TPD52: variants seen among roughly 807,000 people sequenced by gnomAD.
The protein encoded by TPD52 is tumor protein D52, also known as prostate and colon associated protein.
Under a neutral mutation model 31.3 loss-of-function variants are expected in TPD52, and 17 were observed. The observed-to-expected ratio is 0.54, with a 90% confidence interval of 0.37 to 0.82. The LOEUF is 0.82. Ranked by LOEUF, TPD52 falls within the 40% of genes least tolerant of loss-of-function variation. The probability of loss-of-function intolerance (pLI) is 0.00; values close to 1 mark genes in which losing one functional copy is unlikely to be tolerated. For missense variants in TPD52, 212 were observed against 240.1 expected (o/e 0.88, Z 0.77); for synonymous variants, 83 against 89.6 (o/e 0.93, Z 0.42).
intron 1 of TPD52, among the ~76,000 whole-genome samples, chr8:80,095,461 T>C (rs77499982): frequency 2.2e-3 from 337 of 152,282 alleles, no homozygotes; most frequent in African/African-American, 7.7e-3. Flanking sequence ...ATATTATGCA[T>C]CTGTCAAAAT....
chr8:80,161,043 G>A (rs1811328538), intron 1 of TPD52, among the ~76,000 whole-genome samples: 1 of 151,848 alleles, frequency 6.6e-6, no homozygotes, highest in African/African-American at 2.4e-5. Flanking sequence ...CTCCAGCCTG[G>A]GCAACAGAGC....
At chr8:80,171,238 A>G in intron 1 of TPD52, 187 bp downstream of exon 1, 1 of 756,560 alleles carries the variant, frequency 1.3e-6, no homozygotes, top group Non-Finnish European at 2.3e-6. Context: ...TGCCCCCGCC[A>G]GAGCCGCTCC....
At chr8:80,049,575 T>C (rs1378302635) in intron 5 of TPD52, among the ~76,000 whole-genome samples, 1 of 152,134 alleles carries the variant, frequency 6.6e-6, no homozygotes, top group East Asian at 1.9e-4. Flanking sequence ...CCATGAGTGA[T>C]TGCTTAAGAA....
rs1420011076 is a variant in TPD52 at position 80,037,553 on chromosome 8, G to A, written c.*563C>T. The A allele has an allele frequency of 6.6e-6, 1 of 152,194 alleles. No individual in the cohort carries two copies. Among genetic ancestry groups the A allele is most frequent in the African/African-American group, 2.4e-5 (1 of 41,426 alleles). The allele number at this position is 152,194 out of a possible 1,614,324, so 9.4% of individuals were successfully genotyped here. A position where few individuals can be genotyped will look rare whatever the true frequency, so the allele number is the denominator to read the frequency against. On this transcript the variant is annotated 3_prime_UTR_variant, in exon 8 of 8. Coordinates refer to ENST00000518937, the MANE Select transcript of TPD52 (RefSeq NM_001025253.3). ...ATTGGATGCACAGCTGTTTACTTCA[G>A]TCTGGTGTCTTCAACCAAAATATGT...
chr8:80,127,445 T>C (rs1808695596), intron 1 of TPD52: 1 of 152,212 alleles, frequency 6.6e-6, no homozygotes, highest in Non-Finnish European at 1.5e-5. Flanking sequence ...TGACAGGATG[T>C]TCATATCTTC....
At chr8:80,092,837 C>T (rs1816387547) in intron 1 of TPD52, among the ~76,000 whole-genome samples, 1 of 149,980 alleles carries the variant, frequency 6.7e-6, no homozygotes, top group Non-Finnish European at 1.5e-5. Context: ...CTTTAAATTA[C>T]TGCCAGAGGC....
At chr8:80,099,361 A>G (rs1045198411) in intron 1 of TPD52, among the ~76,000 whole-genome samples, 1 of 152,212 alleles carries the variant, frequency 6.6e-6, no homozygotes, top group African/African-American at 2.4e-5. Context: ...GGCATTTATG[A>G]AAAAACAAAC....
At chr8:80,075,559 A>G (rs1254643204) in intron 1 of TPD52, among the ~76,000 whole-genome samples, 1 of 152,210 alleles carries the variant, frequency 6.6e-6, no homozygotes, top group Non-Finnish European at 1.5e-5. Context: ...GTATTTCTAA[A>G]TGGACCCTTA....
chr8:80,054,448 C>T (rs929788383), intron 2 of TPD52, among the ~76,000 whole-genome samples: 27 of 151,932 alleles, frequency 1.8e-4, no homozygotes, highest in African/African-American at 6.3e-4. Flanking sequence ...GAGAAATAGA[C>T]ACCATGTGGA....
At chr8:80,170,125 A>G (rs1481581895) in intron 1 of TPD52, among the ~76,000 whole-genome samples, 2 of 152,192 alleles carry the variant, frequency 1.3e-5, no homozygotes, top group Non-Finnish European at 2.9e-5. Context: ...AAATGAAAGT[A>G]AAGTACAGGC....
In TPD52 at chr8:80,038,119, C is replaced by A. The variant is rs1810034947; in HGVS notation, c.621G>T (p.Leu207=). 6.2e-7 allele frequency: 1 copy of A among 1,613,840 alleles called. No homozygotes were observed. The highest frequency in any genetic ancestry group is 8.5e-7 in the Non-Finnish European group (1 of 1,179,882). The change falls in exon 8 of 8, where the codon CTG becomes CTT. Residue 207 remains leucine (L), a synonymous_variant. Transcript: ENST00000518937. ...EPLPEKTQES[L] The stretch of plus-strand genomic sequence containing the variant: ...TAGCAGAACAAAGGTAGGAATCTCA[C>A]AGGCTCTCCTGTGTCTTTTCTGGAA...
chr8:80,082,118 CT>C (rs376859746), intron 1 of TPD52, among the ~76,000 whole-genome samples: 31,744 of 140,050 alleles, frequency 0.23, 3,766 homozygotes, highest in African/African-American at 0.35. Flanking sequence ...TATGGTAAGT[CT>C]TTTTTTTTTT....
At chr8:80,086,727 A>G (rs1815808665) in intron 1 of TPD52, among the ~76,000 whole-genome samples, 1 of 151,752 alleles carries the variant, frequency 6.6e-6, no homozygotes, top group Middle Eastern at 3.2e-3. Context: ...TACAAAAATT[A>G]GCTGGTTGGG....
intron 1 of TPD52, among the ~76,000 whole-genome samples, chr8:80,146,479 G>A (rs933972936): frequency 1.3e-5 from 2 of 152,178 alleles, no homozygotes. Flanking sequence ...CTCAGCTTAG[G>A]CAGAGAATAA....
chr8:80,050,555 T>A (rs991893537), intron 4 of TPD52, 84 bp from the exon 5 acceptor site: 4 of 1,381,494 alleles, frequency 2.9e-6, no homozygotes, highest in Non-Finnish European at 4.0e-6. Context: ...TTTAAACATA[T>A]AATGTTTTCC....
intron 1 of TPD52, among the ~76,000 whole-genome samples, chr8:80,095,782 C>T (rs531897682): frequency 6.6e-6 from 1 of 152,174 alleles, no homozygotes; most frequent in African/African-American, 2.4e-5. Context: ...CGTCTGTCTC[C>T]ACTAAAAATA....
At chr8:80,104,138 A>C (rs138117671) in intron 1 of TPD52, among the ~76,000 whole-genome samples, 2 of 152,282 alleles carry the variant, frequency 1.3e-5, no homozygotes, top group Non-Finnish European at 2.9e-5. Context: ...GGTGGTGTGG[A>C]TCTCTAGAGC....
At position 80,072,428 on chromosome 8, in the gene TPD52, T is replaced by C. The variant is rs866989260; in HGVS notation, c.20-7835A>G. On this transcript the variant is annotated intron_variant, in intron 1 of 7. Coordinates refer to ENST00000518937, the MANE Select transcript of TPD52 (RefSeq NM_001025253.3). ...ATATGCGTGTATATACATGTACACA[T>C]AGATATGCGTGTATATACATGTACA... Among the ~76,000 whole-genome samples the C allele has an allele frequency of 4.4e-4, 51 of 116,696 alleles. 2 individuals carry two copies. Among genetic ancestry groups the C allele is most frequent in the African/African-American group, 1.8e-3 (46 of 25,476 alleles). The allele number at this position is 116,696 out of a possible 152,430, so 76.6% of individuals were successfully genotyped here.
intron 1 of TPD52, among the ~76,000 whole-genome samples, chr8:80,093,534 T>C (rs1407804239): frequency 1.3e-5 from 2 of 152,182 alleles, no homozygotes; most frequent in Admixed American, 6.5e-5. Flanking sequence ...TGGGAGTTTC[T>C]AGAGAACAGT....
Sources: allele counts gnomAD v4.1 joint callset (sites outside exome capture counted in the v4.1 genomes callset), GRCh38; gene constraint gnomAD v4.1.1; transcripts MANE v1.5; gene names NCBI Gene and HGNC (gene_info 2026-07-23, HGNC 2026-07-21).